FMN2: variants seen among roughly 807,000 people sequenced by gnomAD.
FMN2 encodes formin 2, also known as formin-2.
Under a neutral mutation model 142.3 loss-of-function variants are expected in FMN2, and 51 were observed. That is an observed-to-expected ratio of 0.36 (90% CI 0.29 to 0.45). The LOEUF (loss-of-function observed/expected upper bound fraction) is 0.45, where lower values mean the gene tolerates loss of function less well. Among genes scored for constraint, FMN2 ranks in the 20% least tolerant of loss-of-function variants. FMN2 has a pLI of 1.00. For synonymous variants in FMN2, 882 were observed against 869.8 expected (o/e 1.01, Z -0.25); for missense variants, 1,936 against 2,122.8 (o/e 0.91, Z 1.73).
rs182082747 is a variant in FMN2 at position 240,213,963 on chromosome 1, C to T, written c.4065+2728C>T. On this transcript the variant is annotated intron_variant, in intron 6 of 17. Coordinates refer to ENST00000319653, the MANE Select transcript of FMN2 (RefSeq NM_020066.5). ...GGGTTATTTTCTCTGGATGCTCAGA[C>T]TGATAGAAATGAAGAATATCTTGTA... Among the ~76,000 whole-genome samples the T allele has an allele frequency of 2.7e-3, 414 of 152,322 alleles. 3 individuals are homozygous for T. The South Asian group carries it at 0.028, about 10-fold the overall frequency.
At chr1:240,364,681 G>A (rs1672602750) in intron 14 of FMN2, among the ~76,000 whole-genome samples, 1 of 152,106 alleles carries the variant, frequency 6.6e-6, no homozygotes. Flanking sequence ...GATTCCATAT[G>A]GGAGTCCCTA....
chr1:240,353,647 A>G (rs1672169481), intron 13 of FMN2, among the ~76,000 whole-genome samples: 1 of 152,218 alleles, frequency 6.6e-6, no homozygotes, highest in African/African-American at 2.4e-5. Flanking sequence ...TGTGAACTAT[A>G]GAAATGTGGG....
chr1:240,208,558 T>C lies in FMN2; in HGVS notation c.3746T>C (p.Val1249Ala). ...TCAGGCCCTCCACTCCTCCCACAAG[T>C]TGGGAGTAGCACTTTACCAACCCCA... ...PVSGPPLLPQ[V>A]GSSTLPTPQV... The change falls in exon 5 of 18, where the codon GTT becomes GCT. Residue 1249 changes from valine (V) to alanine (A), a missense_variant. Around this residue, in one of 8 missense-constraint regions of FMN2, gnomAD observed 259 missense variants for 230.9 expected, o/e 1.12. Coordinates refer to ENST00000319653, the MANE Select transcript of FMN2 (RefSeq NM_020066.5). 6.2e-7 allele frequency: 1 copy of C among 1,613,276 alleles called. No homozygotes were observed. The highest frequency in any genetic ancestry group is 1.1e-5 in the South Asian group (1 of 91,034).
intron 1 of FMN2, among the ~76,000 whole-genome samples, chr1:240,104,968 A>G (rs1661548505): frequency 6.6e-6 from 1 of 152,154 alleles, no homozygotes; most frequent in African/African-American, 2.4e-5. Context: ...GAATATTTCC[A>G]TACAGGGAGC....
chr1:240,262,385 A>G (rs1231691328), intron 7 of FMN2, among the ~76,000 whole-genome samples: 1 of 152,188 alleles, frequency 6.6e-6, no homozygotes, highest in Non-Finnish European at 1.5e-5. Flanking sequence ...TTTTACAAAC[A>G]TGTTTTACTC....
chr1:240,469,779 A>G (rs1463527950), intron 16 of FMN2, among the ~76,000 whole-genome samples: 3 of 152,148 alleles, frequency 2.0e-5, no homozygotes, highest in Non-Finnish European at 2.9e-5. Flanking sequence ...TCTTAATGCA[A>G]CATTGTCATT....
At chr1:240,259,487 C>CTTTTTTTTTTTTTTTTTTTTTTTTTT in intron 7 of FMN2, among the ~76,000 whole-genome samples, 1 of 134,274 alleles carries the variant, frequency 7.4e-6, no homozygotes, top group Non-Finnish European at 1.6e-5. Context: ...ACCCTGTACA[C>CTTTTTTTTTTTTTTTTTTTTTTTTTT]TTTTTTTTTT....
intron 7 of FMN2, among the ~76,000 whole-genome samples, chr1:240,291,298 A>G (rs1445586519): frequency 6.7e-6 from 1 of 150,086 alleles, no homozygotes; most frequent in Non-Finnish European, 1.5e-5. Context: ...AAAACAGAAC[A>G]GATGCTTCCT....
In FMN2 at chr1:240,207,329, C is replaced by G. The variant is rs10926166; in HGVS notation, c.2517C>G (p.Thr839=). Residue 839 remains threonine, a synonymous_variant, in exon 5 of 18, where the codon ACC becomes ACG. Coordinates refer to ENST00000319653, the MANE Select transcript of FMN2 (RefSeq NM_020066.5). The part of the protein sequence containing the change: ...PPHSISTEFQ[T]SHEHSVSSAF... ...ATTCTATTTCTACCGAGTTTCAAAC[C>G]AGCCACGAACACTCTGTTTCCTCTG... The G allele has an allele frequency of 0.38, 612,910 of 1,613,502 alleles. 120,714 individuals are homozygous for G. The highest frequency in any genetic ancestry group is 0.4 in the Non-Finnish European group (474,958 of 1,179,782).
intron 8 of FMN2, 147 bp from the exon 9 acceptor site, chr1:240,328,929 C>A: frequency 1.4e-6 from 1 of 714,964 alleles, no homozygotes; most frequent in Non-Finnish European, 2.3e-6. Flanking sequence ...TTAAGTCAAG[C>A]TTTACTATAT....
At chr1:240,274,442 C>T (rs1669124616) in intron 7 of FMN2, among the ~76,000 whole-genome samples, 1 of 152,000 alleles carries the variant, frequency 6.6e-6, no homozygotes, top group Non-Finnish European at 1.5e-5. Flanking sequence ...GGAGAGAGCA[C>T]TCAGCGGGGA....
At chr1:240,234,650 C>G (rs1197154746) in intron 6 of FMN2, among the ~76,000 whole-genome samples, 1 of 152,104 alleles carries the variant, frequency 6.6e-6, no homozygotes, top group African/African-American at 2.4e-5. Flanking sequence ...CACCAACCCC[C>G]CCACTACAAA....
chr1:240,310,848 T>C (rs761717726), intron 8 of FMN2, among the ~76,000 whole-genome samples: 20 of 152,188 alleles, frequency 1.3e-4, no homozygotes, highest in Non-Finnish European at 2.4e-4. Context: ...AAAATGTGTC[T>C]GTTAAAATAT....
intron 8 of FMN2, among the ~76,000 whole-genome samples, chr1:240,296,374 C>G (rs1572166061): frequency 8.1e-6 from 1 of 123,734 alleles, no homozygotes; most frequent in Non-Finnish European, 1.7e-5. Flanking sequence ...GTTTTCAGTG[C>G]TTTTGATTAT....
intron 16 of FMN2, among the ~76,000 whole-genome samples, chr1:240,450,682 A>G (rs750159860): frequency 8.5e-5 from 13 of 152,310 alleles, no homozygotes; most frequent in East Asian, 5.8e-4. Context: ...CTCCTGGCCA[A>G]TGTGGCTCCG....
chr1:240,121,448 T>TCA (rs1276643178), intron 1 of FMN2, among the ~76,000 whole-genome samples: 1 of 150,770 alleles, frequency 6.6e-6, no homozygotes, highest in Non-Finnish European at 1.5e-5. Flanking sequence ...CGATCTCGGC[T>TCA]CACTGCAAGC....
rs1028765711 is a variant in FMN2 at position 240,324,498 on chromosome 1, C to T, written c.4216-4578C>T. Among the ~76,000 whole-genome samples, 7 of 152,128 alleles carry T rather than the reference C, an allele frequency of 4.6e-5. No individual in the cohort carries two copies. The East Asian group carries it at 1.2e-3, about 25-fold the overall frequency. Reference sequence around the variant, plus strand: ...CGAAGCCCTGTCTCTACTAAAACTACAAAAATTACCTGGGCATGCATGGTG... The same window carrying T: ...CGAAGCCCTGTCTCTACTAAAACTATAAAAATTACCTGGGCATGCATGGTG... On this transcript the variant is annotated intron_variant, in intron 8 of 17. Transcript: ENST00000319653.
At chr1:240,242,121 A>C (rs1558388859) in intron 6 of FMN2, among the ~76,000 whole-genome samples, 1 of 152,168 alleles carries the variant, frequency 6.6e-6, no homozygotes, top group Non-Finnish European at 1.5e-5. Flanking sequence ...CTGGGATGAC[A>C]GGCGTGAGCC....
intron 15 of FMN2, among the ~76,000 whole-genome samples, chr1:240,425,352 G>A (rs1331068978): frequency 6.6e-6 from 1 of 152,176 alleles, no homozygotes; most frequent in Non-Finnish European, 1.5e-5. Flanking sequence ...GTAAAGATGG[G>A]ATATTACTGC....
Sources: gnomAD v4.1 joint callset for allele counts (sites outside exome capture counted in the v4.1 genomes callset) on GRCh38, gnomAD v4.1.1 for gene constraint, gnomAD v4.1.1 regional missense constraint, MANE v1.5 for transcripts, NCBI Gene and HGNC (gene_info 2026-07-23, HGNC 2026-07-21) for gene names.